Variants in RNF213 observed in about 807,000 individuals in gnomAD.
RNF213 encodes the protein ring finger protein 213.
A neutral mutation model predicts 514.4 loss-of-function variants in RNF213; 341 were observed. That is an observed-to-expected ratio of 0.66 (90% confidence interval 0.61 to 0.73). The LOEUF (loss-of-function observed/expected upper bound fraction) is 0.73, where lower values mean the gene tolerates loss of function less well. RNF213 is among the 30% of genes least tolerant of loss of function. The pLI, the probability that RNF213 is intolerant of heterozygous loss-of-function variation, is 0.00. For missense variants in RNF213, 5,767 were observed against 6,615.6 expected (o/e 0.87, Z 4.45); for synonymous variants, 2,655 against 2,658.2 (o/e 1.00, Z 0.04).
Position 80,309,044 on chromosome 17 carries a change from C to T in RNF213, c.2528C>T (p.Ser843Phe). The T allele has an allele frequency of 6.2e-7, 1 of 1,614,160 alleles. No homozygotes were observed. The highest frequency in any genetic ancestry group is 8.5e-7 in the Non-Finnish European group (1 of 1,180,038). ...ATTCCCGAGGAGGCCTTGTCACCAT[C>T]CTACCTGACTGTGTGTCTGAAACTG... ...DKIPEEALSP[S>F]YLTVCLKLHE... is the part of the protein sequence containing the mutation. The change falls in exon 14 of 68, where the codon TCC (serine) becomes TTC (phenylalanine). Residue 843 changes from serine (S) to phenylalanine (F), a missense_variant. Ser to Phe is a radical substitution (Grantham distance 155). Transcript: ENST00000582970.
In RNF213 at chr17:80,332,285, G is replaced by A. The variant is rs1568082386; in HGVS notation, c.3797G>A (p.Arg1266Lys). ...AGTGAGCCCGAAGAAGAATCAGAAA[G>A]GCACATCCTTGAGCTTGAAGAGGTG... ...LLSEPEEESE[R>K]HILELEEVYD... Residue 1266 changes from arginine to lysine, a missense_variant, in exon 21 of 68, where the codon AGG becomes AAG. Around this residue, in one of 13 missense-constraint regions of RNF213, gnomAD observed 516 missense variants for 566.5 expected, o/e 0.91. Transcript: ENST00000582970. 6.5e-7 allele frequency: 1 copy of A among 1,537,228 alleles called. No individual in the cohort carries two copies. Among genetic ancestry groups the A allele is most frequent in the East Asian group, 2.4e-5 (1 of 40,926 alleles).
At chr17:80,325,408 T>G (rs113485769) in intron 18 of RNF213, among the ~76,000 whole-genome samples, 8,545 of 152,166 alleles carry the variant, frequency 0.056, 327 homozygotes, top group Middle Eastern at 0.1. Flanking sequence ...CACTATTCAT[T>G]GAATGCTTGC....
In RNF213 at chr17:80,367,762, C is replaced by T. The variant is rs143428968; in HGVS notation, c.11886C>T (p.Asn3962=). Residue 3962 remains asparagine, a synonymous_variant, in exon 43 of 68, where the codon AAC becomes AAT. Coordinates refer to ENST00000582970, the MANE Select transcript of RNF213 (RefSeq NM_001256071.3). ...VFLLDKCLRE[N]SDVKTHGPFE... ...CCTTTCTTCAGTGTCTTCGAGAGAA[C>T]TCTGACGTGAAGACGCACGGGCCTT... The T allele has an allele frequency of 4.1e-4, 661 of 1,614,146 alleles. 2 individuals are homozygous for T. Among genetic ancestry groups the T allele is most frequent in the Non-Finnish European group, 5.4e-4 (633 of 1,179,946 alleles).
intron 10 of RNF213, among the ~76,000 whole-genome samples, chr17:80,297,522 G>A (rs886452019): frequency 2.0e-5 from 3 of 151,974 alleles, no homozygotes; most frequent in African/African-American, 7.2e-5. Context: ...GGGAGGCTGA[G>A]GCAGGAGGGA....
At chr17:80,331,780 C>T (rs1411109406) in intron 20 of RNF213, among the ~76,000 whole-genome samples, 2 of 152,140 alleles carry the variant, frequency 1.3e-5, no homozygotes, top group African/African-American at 4.8e-5. Context: ...TTTCCCACTG[C>T]CATCTTTACC....
chr17:80,371,356 C>T (rs537998030), intron 46 of RNF213, among the ~76,000 whole-genome samples: 1 of 152,366 alleles, frequency 6.6e-6, no homozygotes, highest in South Asian at 2.1e-4. Context: ...TTCATGTTCT[C>T]CCATATGCTG....
chr17:80,371,675 G>T (rs2079523011), intron 46 of RNF213, 199 bp from the exon 47 acceptor site: 4 of 495,118 alleles, frequency 8.1e-6, no homozygotes, highest in Non-Finnish European at 1.4e-5. Flanking sequence ...GAGGACAGCT[G>T]GTCTAAAATG....
chr17:80,317,167 A>T lies in RNF213; in HGVS notation c.2812-21A>T. 6.2e-7 allele frequency: 1 copy of T among 1,608,064 alleles called. No individual in the cohort carries two copies. The highest frequency in any genetic ancestry group is 8.5e-7 in the Non-Finnish European group (1 of 1,178,000). The stretch of plus-strand genomic sequence containing the variant: ...GCATTTAGTCGTGAGAGTGGGTGTG[A>T]CCTGTGTGCGGGTTTTGCAGGTCTG... On this transcript the variant is annotated intron_variant, in intron 15 of 67. Coordinates refer to ENST00000582970, the MANE Select transcript of RNF213 (RefSeq NM_001256071.3). This position sits in a 1 kb window ranked among gnomAD's most constrained non-coding sequence, Gnocchi z 4.1.
intron 3 of RNF213, among the ~76,000 whole-genome samples, chr17:80,281,524 C>CACAT: frequency 2.7e-5 from 3 of 113,132 alleles, no homozygotes; most frequent in Non-Finnish European, 3.9e-5. Flanking sequence ...CCAACACACA[C>CACAT]ATGCCCCACT....
chr17:80,349,891 T>A lies in RNF213; in HGVS notation c.10073T>A (p.Phe3358Tyr). The change falls in exon 30 of 68, where the codon TTC becomes TAC. Residue 3358 changes from phenylalanine (F) to tyrosine (Y), a missense_variant. Phe to Tyr is a conservative substitution (Grantham distance 22). This residue lies in a region of RNF213 where 919 missense variants were observed against 1,121.0 expected (regional missense o/e 0.82). Transcript: ENST00000582970. ...WLQQFDTEYS[F>Y]LKEVRNCLTN... is the part of the protein sequence containing the mutation. ...CAGCAGTTTGACACCGAGTACTCAT[T>A]CCTCAAAGAAGTCCGGTGAGGTTCC... 2 of 1,613,776 alleles carry A rather than the reference T, an allele frequency of 1.2e-6. No homozygotes were observed. Among genetic ancestry groups the A allele is most frequent in the Non-Finnish European group, 1.7e-6 (2 of 1,179,968 alleles).
chr17:80,342,394 C>T (rs568216602), intron 26 of RNF213, among the ~76,000 whole-genome samples: 1 of 152,184 alleles, frequency 6.6e-6, no homozygotes, highest in South Asian at 2.1e-4. Context: ...TAGGTAACGG[C>T]TGGGAAATGT....
chr17:80,320,799 AC>A, intron 17 of RNF213: 1 of 152,226 alleles, frequency 6.6e-6, no homozygotes, highest in Non-Finnish European at 1.5e-5. Context: ...ACAGAGTAAG[AC>A]CCTGTCTCTA....
intron 42 of RNF213, among the ~76,000 whole-genome samples, chr17:80,367,015 G>A (rs1256939865): frequency 6.6e-6 from 1 of 152,204 alleles, no homozygotes; most frequent in Non-Finnish European, 1.5e-5. Context: ...CAAGAATGTT[G>A]AATACAGGAC....
chr17:80,374,137 C>T (rs1435063517), intron 49 of RNF213, among the ~76,000 whole-genome samples: 1 of 152,214 alleles, frequency 6.6e-6, no homozygotes, highest in African/African-American at 2.4e-5. Flanking sequence ...TTGACTACCA[C>T]CTGGGGTTTA....
intron 3 of RNF213, among the ~76,000 whole-genome samples, chr17:80,286,970 C>T (rs1353800628): frequency 4.6e-5 from 7 of 152,212 alleles, no homozygotes; most frequent in African/African-American, 1.2e-4. Flanking sequence ...GGAGCTGCTA[C>T]TCATTTTTTA....
chr17:80,348,201 A>G lies in RNF213; in HGVS notation c.9866A>G (p.His3289Arg). The G allele has an allele frequency of 1.9e-6, 3 of 1,613,956 alleles. No individual in the cohort carries two copies. The highest frequency in any genetic ancestry group is 2.5e-6 in the Non-Finnish European group (3 of 1,180,040). ...GAGTGGCTGTCGCAGGAGTACTTTC[A>G]CAGACAGAGGCACAACTCCTTTGCA... ...AAEWLSQEYF[H>R]RQRHNSFADF... The change falls in exon 29 of 68, where the codon CAC (histidine) becomes CGC (arginine). Residue 3289 changes from histidine to arginine, a missense_variant. His to Arg is a conservative substitution (Grantham distance 29, BLOSUM62 0). Coordinates refer to ENST00000582970, the MANE Select transcript of RNF213 (RefSeq NM_001256071.3).
chr17:80,273,364 C>CT lies in RNF213; in HGVS notation c.221_222insT (p.Glu75ArgfsTer87). 1 of 1,613,274 alleles carries CT rather than the reference C, an allele frequency of 6.2e-7. No homozygotes were observed. The highest frequency in any genetic ancestry group is 8.5e-7 in the Non-Finnish European group (1 of 1,179,990). ...GGCTCAGACAGTTGGCAAGAAAACCCCGAGGAGCCCTGTTCCAAAGCCTCC... is the reference window on the plus strand; with the variant it reads ...GGCTCAGACAGTTGGCAAGAAAACCCTCGAGGAGCCCTGTTCCAAAGCCTCC... On this transcript the variant is annotated frameshift_variant, in exon 3 of 68. Transcript: ENST00000582970. LOFTEE classifies it high-confidence loss of function.
At chr17:80,384,760 C>T (rs2080165609) in intron 59 of RNF213, 2 of 466,370 alleles carry the variant, frequency 4.3e-6, no homozygotes, top group Non-Finnish European at 7.9e-6. Context: ...GCCCAAGGGA[C>T]AGATTTCCTT....
intron 49 of RNF213, among the ~76,000 whole-genome samples, chr17:80,373,510 G>C (rs1052205653): frequency 6.6e-6 from 1 of 151,928 alleles, no homozygotes; most frequent in South Asian, 2.1e-4. Flanking sequence ...GCCAAGGTGA[G>C]GGCACTCACC....
Sources: allele counts gnomAD v4.1 joint callset (sites outside exome capture counted in the v4.1 genomes callset), GRCh38; gene constraint gnomAD v4.1.1; regional missense constraint gnomAD v4.1.1; non-coding constraint Gnocchi (gnomAD v3.1); transcripts MANE v1.5; gene names NCBI Gene and HGNC (gene_info 2026-07-23, HGNC 2026-07-21).